DVL2: variants seen among roughly 807,000 people sequenced by gnomAD.
DVL2 encodes the protein segment polarity protein dishevelled homolog DVL-2.
A neutral mutation model predicts 69.8 loss-of-function variants in DVL2; 38 were observed. The observed-to-expected ratio is 0.54, with a 90% CI of 0.42 to 0.71. The LOEUF (loss-of-function observed/expected upper bound fraction) is 0.71, where lower values mean the gene tolerates loss of function less well. Ranked by LOEUF, DVL2 falls within the 30% of genes least tolerant of loss-of-function variation. The pLI is 0.00. For synonymous variants in DVL2, 428 were observed against 392.4 expected (o/e 1.09, Z -1.07); for missense variants, 931 against 1,008.1 (o/e 0.92, Z 1.04).
At chr17:7,231,822 C>G (rs1045872854) in intron 1 of DVL2, among the ~76,000 whole-genome samples, 2 of 149,646 alleles carry the variant, frequency 1.3e-5, no homozygotes, top group African/African-American at 4.9e-5. Context: ...GAGATTGCGC[C>G]GCTGCACTCC....
chr17:7,226,144 G>C lies in DVL2; in HGVS notation c.1932C>G (p.Gly644=). 3.7e-6 allele frequency: 6 copies of C among 1,605,964 alleles called. No individual in the cohort carries two copies. The highest frequency in any genetic ancestry group is 4.3e-6 in the Non-Finnish European group (5 of 1,175,828). Residue 644 remains glycine (G), a synonymous_variant, in exon 15 of 15, where the codon GGC becomes GGG. Transcript: ENST00000005340. ...GGEASGTSDG[G]PPPSRGSTGG... ...CAGTTGAGCCTCTGGATGGAGGAGG[G>C]CCCCCATCGCTAGTCCCACTTGCTT... is the stretch of plus-strand genomic sequence containing the variant.
chr17:7,232,220 C>T (rs1286929946), intron 1 of DVL2, among the ~76,000 whole-genome samples: 1 of 152,224 alleles, frequency 6.6e-6, no homozygotes, highest in Admixed American at 6.5e-5. Flanking sequence ...AAGCATCAGA[C>T]TCTCTACCCT....
In DVL2 at chr17:7,226,506, G is replaced by A. The variant is rs528578173; in HGVS notation, c.1677C>T (p.His559=). Residue 559 remains histidine (H), a synonymous_variant, in exon 14 of 15, where the codon CAC becomes CAT. Coordinates refer to ENST00000005340, the MANE Select transcript of DVL2 (RefSeq NM_004422.3). ...AGGGTGGAGGCTGCGGGCTGTAGGG[G>A]TGTGGGGCAGGGTATTGGTAGGAGA... ...PTFSYQYPAP[H]PYSPQPPPYH... 2 of 1,600,154 alleles carry A rather than the reference G, an allele frequency of 1.2e-6. No homozygotes were observed. Among genetic ancestry groups the A allele is most frequent in the Non-Finnish European group, 8.5e-7 (1 of 1,173,852 alleles).
At position 7,225,749 on chromosome 17, in the gene DVL2, T is replaced by TC. The variant is rs1322240575; in HGVS notation, c.*115dup. The TC allele has an allele frequency of 3.1e-5, 28 of 905,556 alleles. No individual in the cohort carries two copies. The highest frequency in any genetic ancestry group is 9.1e-5 in the Admixed American group (5 of 54,852). The allele number at this position is 905,556 out of a possible 1,614,324, so 56.1% of individuals were successfully genotyped here. ...GGTGAGAGTCACAGTGGCCACAATC[T>TC]CCTGTATGGCAGCAGCTGGTAGGCT... is the stretch of plus-strand genomic sequence containing the variant. On this transcript the variant is annotated 3_prime_UTR_variant, in exon 15 of 15. Coordinates refer to ENST00000005340, the MANE Select transcript of DVL2 (RefSeq NM_004422.3).
rs1339058071 is a variant in DVL2, at chr17:7,225,955, C to T, written c.2121G>A (p.Leu707=). ...QPPGAPPVRD[L]GSVPPELTAS... ...CTGTCAGTTCTGGGGGCACAGAGCC[C>T]AGGTCTCTGACTGGAGGGGCCCCCG... The change falls in exon 15 of 15, where the codon CTG becomes CTA. Residue 707 remains leucine (L), a synonymous_variant. Transcript: ENST00000005340. The T allele has an allele frequency of 6.2e-7, 1 of 1,613,722 alleles. No individual in the cohort carries two copies. Among genetic ancestry groups the T allele is most frequent in the Non-Finnish European group, 8.5e-7 (1 of 1,180,034 alleles).
In DVL2 at chr17:7,226,522, T is replaced by C. The variant is rs1226080062; in HGVS notation, c.1661A>G (p.Gln554Arg). ...GCTGTAGGGGTGTGGGGCAGGGTATTGGTAGGAGAAAGTGGGCAGCAGGGG... is the reference window on the plus strand; with the variant it reads ...GCTGTAGGGGTGTGGGGCAGGGTATCGGTAGGAGAAAGTGGGCAGCAGGGG... ...PWPLLPTFSY[Q>R]YPAPHPYSPQ... The change falls in exon 14 of 15, where the codon CAA (glutamine) becomes CGA (arginine). Residue 554 changes from glutamine (Q) to arginine (R), a missense_variant. Coordinates refer to ENST00000005340, the MANE Select transcript of DVL2 (RefSeq NM_004422.3). 3 of 1,607,366 alleles carry C rather than the reference T, an allele frequency of 1.9e-6. No individual in the cohort carries two copies. The highest frequency in any genetic ancestry group is 2.7e-5 in the African/African-American group (2 of 74,590).
At chr17:7,232,828 G>A (rs947007983) in intron 1 of DVL2, among the ~76,000 whole-genome samples, 2 of 152,064 alleles carry the variant, frequency 1.3e-5, no homozygotes, top group African/African-American at 4.8e-5. Context: ...GGTGGCTCAC[G>A]CCTGTAATCC....
At chr17:7,231,425 T>C (rs2071541006) in intron 1 of DVL2, among the ~76,000 whole-genome samples, 1 of 138,532 alleles carries the variant, frequency 7.2e-6, no homozygotes, top group African/African-American at 2.8e-5. Flanking sequence ...ATCGCGCCAC[T>C]GCATTCCAGC....
At chr17:7,228,160 G>A (rs1300994995) in intron 9 of DVL2, 116 bp from the exon 10 acceptor site, 11 of 840,842 alleles carry the variant, frequency 1.3e-5, no homozygotes, top group African/African-American at 5.1e-5. Context: ...CAAGCACATC[G>A]CGGCTGGGCT....
chr17:7,233,944 A>C (rs779773371), intron 1 of DVL2, 125 bp downstream of exon 1: 1 of 1,001,856 alleles, frequency 1.0e-6, no homozygotes, highest in South Asian at 1.5e-5. Context: ...ACCTCAGCAT[A>C]GTACAATCTG....
chr17:7,230,723 C>G lies in DVL2; in HGVS notation c.264+5G>C, dbSNP rs770650772. 4 of 1,611,418 alleles carry G rather than the reference C, an allele frequency of 2.5e-6. No homozygotes were observed. Among genetic ancestry groups the G allele is most frequent in the Non-Finnish European group, 3.4e-6 (4 of 1,178,678 alleles). ...GGCCTGGTCCTCGGTGTCAGAACCT[C>G]TTACCCAGGATACCACCCTTCCGTT... On this transcript the variant is annotated splice_donor_5th_base_variant and intron_variant, in intron 2 of 14. Coordinates refer to ENST00000005340, the MANE Select transcript of DVL2 (RefSeq NM_004422.3).
At chr17:7,226,724 G>C in intron 13 of DVL2, 85 bp from the exon 14 acceptor site, 1 of 1,111,954 alleles carries the variant, frequency 9.0e-7, no homozygotes, top group East Asian at 2.7e-5. Context: ...ACTGGGAACA[G>C]TTCTCCCAGA....
At position 7,234,416 on chromosome 17, in the gene DVL2, G is replaced by A; in HGVS notation, c.-154C>T. 2 of 882,874 alleles carry A rather than the reference G, an allele frequency of 2.3e-6. No individual in the cohort carries two copies. Among genetic ancestry groups the A allele is most frequent in the Admixed American group, 3.6e-5 (1 of 27,980 alleles). 54.7% of individuals were successfully genotyped at this position (882,874 alleles called of 1,614,324 possible). ...AGGGGAAAAAGCACGGATCTGCGAG[G>A]GTGGCGGCGGGGGGCGGGCCGCGGG... On this transcript the variant is annotated 5_prime_UTR_variant, in exon 1 of 15. Coordinates refer to ENST00000005340, the MANE Select transcript of DVL2 (RefSeq NM_004422.3).
rs1169773928 is a variant in DVL2, at chr17:7,230,535, C to CA, written c.265-106dup. The CA allele has an allele frequency of 3.2e-5, 47 of 1,473,370 alleles. 1 individual carries two copies. The highest frequency in any genetic ancestry group is 3.1e-4 in the South Asian group (24 of 78,240). The allele number at this position is 1,473,370 out of a possible 1,614,324, so 91.3% of individuals were successfully genotyped here. A position where few individuals can be genotyped will look rare whatever the true frequency, so the allele number is the denominator to read the frequency against. ...AGGGTCTCAGAGAGCTGGAGAAGAGCAAAAAAACCTAGCAAGTATTAGAGA... is the reference window on the plus strand; with the variant it reads ...AGGGTCTCAGAGAGCTGGAGAAGAGCAAAAAAAACCTAGCAAGTATTAGAGA... On this transcript the variant is annotated intron_variant, in intron 2 of 14. Transcript: ENST00000005340.
In DVL2 at chr17:7,229,258, C is replaced by G. The variant is rs370718368; in HGVS notation, c.834G>C (p.Leu278=). ...VTLNMEKYNF[L]GISIVGQSNE... is the part of the protein sequence containing the mutation. ...TGCTCTGGCCAACAATGGAGATACC[C>G]AGGAAGTTGTACTTCTCTGTGGAGA... is the stretch of plus-strand genomic sequence containing the variant. The change falls in exon 8 of 15, where the codon CTG becomes CTC. Residue 278 remains leucine, a synonymous_variant. Coordinates refer to ENST00000005340, the MANE Select transcript of DVL2 (RefSeq NM_004422.3). The surrounding 1 kb of genome is among the most constrained non-coding windows in gnomAD (Gnocchi z 4.4). The G allele has an allele frequency of 6.2e-7, 1 of 1,614,168 alleles. No homozygotes were observed. The highest frequency in any genetic ancestry group is 2.2e-5 in the East Asian group (1 of 44,892).
At chr17:7,227,935 C>G in intron 10 of DVL2, 42 bp downstream of exon 10, 3 of 1,573,698 alleles carry the variant, frequency 1.9e-6, no homozygotes, top group Non-Finnish European at 2.6e-6. Context: ...TCCTGGGCAG[C>G]CCCCACCCCC....
In DVL2 at chr17:7,230,437, G is replaced by C; in HGVS notation, c.265-7C>G. On this transcript the variant is annotated splice_polypyrimidine_tract_variant and splice_region_variant and intron_variant, in intron 2 of 14. Transcript: ENST00000005340. ...GATTATCTGAGGACACCAGCTAGAA[G>C]GGTGCAAATGATAAACAGTGGCTCA... 1.2e-6 allele frequency: 2 copies of C among 1,613,608 alleles called. No homozygotes were observed. The highest frequency in any genetic ancestry group is 8.5e-7 in the Non-Finnish European group (1 of 1,179,642).
chr17:7,230,942 T>G lies in DVL2; in HGVS notation c.195-145A>C, dbSNP rs2142993462. ...AGGTCTTCTCTTACATTGAAAGAAC[T>G]CACTCCGACACCTAAGAAATCTCCA... On this transcript the variant is annotated intron_variant, in intron 1 of 14. Transcript: ENST00000005340. 3 of 569,306 alleles carry G rather than the reference T, an allele frequency of 5.3e-6. No homozygotes were observed. The East Asian group carries it at 9.3e-5, about 18-fold the overall frequency. The allele number at this position is 569,306 out of a possible 1,614,324, so 35.3% of individuals were successfully genotyped here.
chr17:7,229,187 C>G lies in DVL2; in HGVS notation c.905G>C (p.Gly302Ala). The G allele has an allele frequency of 1.2e-6, 2 of 1,614,206 alleles. No individual in the cohort carries two copies. The highest frequency in any genetic ancestry group is 1.7e-6 in the Non-Finnish European group (2 of 1,180,042). ...GCGCCCGTCGGCCGCCACAGCCCCA[C>G]CCTTCATGATGGAGCCAATGTAGAT... is the stretch of plus-strand genomic sequence containing the variant. ...GGIYIGSIMKGGAVAADGRIE... is the reference protein window; with the variant it reads ...GGIYIGSIMKAGAVAADGRIE... The change falls in exon 8 of 15, where the codon GGT becomes GCT. Residue 302 changes from glycine to alanine, a missense_variant. Gly to Ala is a moderately conservative substitution (Grantham distance 60). Around this residue, in one of 3 missense-constraint regions of DVL2, gnomAD observed 555 missense variants for 588.8 expected, o/e 0.94. Coordinates refer to ENST00000005340, the MANE Select transcript of DVL2 (RefSeq NM_004422.3). The surrounding 1 kb of genome is among the most constrained non-coding windows in gnomAD (Gnocchi z 4.4).
Sources: allele counts gnomAD v4.1 joint callset (sites outside exome capture counted in the v4.1 genomes callset), GRCh38; gene constraint gnomAD v4.1.1; regional missense constraint gnomAD v4.1.1; non-coding constraint Gnocchi (gnomAD v3.1); transcripts MANE v1.5; gene names NCBI Gene and HGNC (gene_info 2026-07-23, HGNC 2026-07-21).